Variants in SNX4 observed in about 807,000 individuals in gnomAD.
The protein encoded by SNX4 is sorting nexin 4, also known as sorting nexin-4.
In SNX4, 49 loss-of-function variants were observed where a neutral mutation model predicts 70.8. The observed-to-expected ratio is 0.69, with a 90% CI of 0.55 to 0.88. The LOEUF is 0.88. SNX4 is among the 40% of genes least tolerant of loss of function. SNX4 has a pLI of 0.00. For synonymous variants in SNX4, 206 were observed against 183.8 expected (o/e 1.12, Z -0.98); for missense variants, 528 against 544.8 (o/e 0.97, Z 0.31).
chr3:125,448,237 A>C (rs1239049972), intron 13 of SNX4, among the ~76,000 whole-genome samples: 1 of 149,362 alleles, frequency 6.7e-6, no homozygotes, highest in Non-Finnish European at 1.5e-5. Flanking sequence ...GGATCCTCCC[A>C]CCTCAGCCTG....
intron 1 of SNX4, chr3:125,516,841 A>T (rs1935293790): frequency 6.6e-6 from 1 of 152,210 alleles, no homozygotes. Flanking sequence ...ATTCTGTCTC[A>T]AAAAAGAAAA....
intron 1 of SNX4, among the ~76,000 whole-genome samples, chr3:125,510,363 T>A (rs1385957335): frequency 1.3e-5 from 2 of 151,816 alleles, no homozygotes; most frequent in African/African-American, 2.4e-5. Flanking sequence ...CCCGAGAAGC[T>A]GGGACTACAG....
At chr3:125,499,235 A>G (rs1322907275) in intron 2 of SNX4, among the ~76,000 whole-genome samples, 1 of 152,222 alleles carries the variant, frequency 6.6e-6, no homozygotes, top group Non-Finnish European at 1.5e-5. Flanking sequence ...CCTATTAGGA[A>G]GCACCAGTCT....
chr3:125,461,183 AC>A (rs1382980691), intron 9 of SNX4, among the ~76,000 whole-genome samples: 1 of 152,138 alleles, frequency 6.6e-6, no homozygotes, highest in Non-Finnish European at 1.5e-5. Flanking sequence ...CCAAGATCAT[AC>A]CAGTGCACTC....
At chr3:125,477,448 G>A (rs941473441) in intron 7 of SNX4, among the ~76,000 whole-genome samples, 2 of 152,090 alleles carry the variant, frequency 1.3e-5, no homozygotes, top group Non-Finnish European at 2.9e-5. Flanking sequence ...CCTCAATATG[G>A]TAATTAATTT....
chr3:125,452,474 C>T (rs571590996), intron 12 of SNX4, among the ~76,000 whole-genome samples: 4 of 152,084 alleles, frequency 2.6e-5, no homozygotes, highest in East Asian at 1.9e-4. Flanking sequence ...CCCAGTGATT[C>T]GGGAGGCTGA....
intron 5 of SNX4, among the ~76,000 whole-genome samples, chr3:125,495,360 A>G (rs997121843): frequency 1.3e-5 from 2 of 150,010 alleles, no homozygotes; most frequent in African/African-American, 4.9e-5. Flanking sequence ...GAGGCTATGC[A>G]AAAAGGTCCC....
intron 6 of SNX4, among the ~76,000 whole-genome samples, chr3:125,484,494 A>G (rs1204489445): frequency 6.6e-6 from 1 of 152,046 alleles, no homozygotes; most frequent in African/African-American, 2.4e-5. Flanking sequence ...ACCTCAAGTG[A>G]TCTGCCCACC....
At chr3:125,451,278 T>C in intron 13 of SNX4, 27 bp downstream of exon 13, 1 of 1,516,932 alleles carries the variant, frequency 6.6e-7, no homozygotes, top group African/African-American at 1.4e-5. Context: ...TATACATATA[T>C]CTTCACTGAA....
intron 3 of SNX4, 27 bp downstream of exon 3, chr3:125,498,032 C>G (rs1207987751): frequency 6.2e-7 from 1 of 1,614,028 alleles, no homozygotes. Context: ...CTGAATACTT[C>G]TAAACTACTG....
intron 2 of SNX4, among the ~76,000 whole-genome samples, chr3:125,502,345 C>A (rs1469971840): frequency 9.4e-6 from 1 of 106,100 alleles, no homozygotes; most frequent in Non-Finnish European, 1.8e-5. Context: ...TAAAAATTTT[C>A]TTTCTTTTTT....
rs185532671 is a variant in SNX4, at chr3:125,496,722, T to A, written c.597+619A>T. 1.7e-4 allele frequency among the ~76,000 whole-genome samples: 26 copies of A among 152,320 alleles called. No homozygotes were observed. In the East Asian group the frequency reaches 5.0e-3, roughly 29 times the overall value. The stretch of plus-strand genomic sequence containing the variant: ...CTACTAATGCTCCTTGATTTTCAGA[T>A]CATCATCTCATTCCCAAACACTAAT... On this transcript the variant is annotated intron_variant, in intron 5 of 13. Coordinates refer to ENST00000251775, the MANE Select transcript of SNX4 (RefSeq NM_003794.4).
intron 2 of SNX4, among the ~76,000 whole-genome samples, chr3:125,504,321 A>G (rs1172092856): frequency 6.8e-6 from 1 of 146,230 alleles, no homozygotes; most frequent in African/African-American, 2.5e-5. Context: ...CGAAAGAGTG[A>G]GACTCCATCT....
chr3:125,469,454 A>G lies in SNX4; in HGVS notation c.854T>C (p.Val285Ala), dbSNP rs150435491. The G allele has an allele frequency of 1.4e-4, 228 of 1,610,972 alleles. No individual in the cohort carries two copies. The highest frequency in any genetic ancestry group is 9.2e-4 in the Admixed American group (55 of 59,960). Residue 285 changes from valine (V) to alanine (A), a missense_variant and splice_region_variant, in exon 9 of 14, where the codon GTG becomes GCG. This residue lies in a region of SNX4 where 28 missense variants were observed against 60.0 expected (regional missense o/e 0.47). Transcript: ENST00000251775. Reference protein sequence around the residue: ...GLQSAGHHMDVYASSIDDILE... With the variant: ...GLQSAGHHMDAYASSIDDILE... ...TCACAAAAGTTCTCGAGGTACTTAC[A>G]CATCCATATGATGACCAGCACTCTG... is the stretch of plus-strand genomic sequence containing the variant.
chr3:125,489,311 T>C (rs1934600214), intron 6 of SNX4, 97 bp downstream of exon 6: 3 of 898,528 alleles, frequency 3.3e-6, no homozygotes, highest in Non-Finnish European at 5.3e-6. Flanking sequence ...GTAAACTATT[T>C]AGCAAATAAA....
intron 2 of SNX4, among the ~76,000 whole-genome samples, chr3:125,502,879 C>A (rs1211366518): frequency 4.1e-5 from 6 of 144,760 alleles, no homozygotes; most frequent in African/African-American, 5.1e-5. Flanking sequence ...AAAGTATTAA[C>A]ATTAAAACAT....
At chr3:125,499,506 T>G (rs7651504) in intron 2 of SNX4, among the ~76,000 whole-genome samples, 7,332 of 152,220 alleles carry the variant, frequency 0.048, 416 homozygotes, top group African/African-American at 0.13. Context: ...AATGCAAAAT[T>G]CACAAATGGC....
intron 9 of SNX4, among the ~76,000 whole-genome samples, chr3:125,465,276 A>G (rs1443505517): frequency 6.8e-6 from 1 of 147,118 alleles, no homozygotes; most frequent in East Asian, 2.0e-4. Context: ...ACAGAGTTTC[A>G]CTCTTGTCAC....
chr3:125,482,276 G>A (rs1158932548), intron 6 of SNX4, among the ~76,000 whole-genome samples: 1 of 152,120 alleles, frequency 6.6e-6, no homozygotes, highest in Non-Finnish European at 1.5e-5. Context: ...ATTTGTACTT[G>A]CTTCCATAGC....
Sources: gnomAD v4.1 joint callset for allele counts (sites outside exome capture counted in the v4.1 genomes callset) on GRCh38, gnomAD v4.1.1 for gene constraint, gnomAD v4.1.1 regional missense constraint, MANE v1.5 for transcripts, NCBI Gene and HGNC (gene_info 2026-07-23, HGNC 2026-07-21) for gene names.